Variants in COPG2 observed in about 807,000 individuals in gnomAD.
COPG2 encodes coatomer subunit gamma-2.
COPG2 carries 37 observed loss-of-function variants against 46.3 expected under a neutral mutation model. The observed-to-expected ratio is 0.80, with a 90% confidence interval of 0.61 to 1.05. The LOEUF (loss-of-function observed/expected upper bound fraction) is 1.05, where lower values mean the gene tolerates loss of function less well. Among genes scored for constraint, COPG2 ranks in the 50% least tolerant of loss-of-function variants. The probability of loss-of-function intolerance (pLI) is 0.00; values close to 1 mark genes in which losing one functional copy is unlikely to be tolerated. For missense variants in COPG2, 427 were observed against 387.8 expected (o/e 1.10, Z -0.85); for synonymous variants, 159 against 129.7 (o/e 1.23, Z -1.53).
chr7:130,533,161 A>G (rs1799845373), intron 20 of COPG2, among the ~76,000 whole-genome samples: 3 of 152,058 alleles, frequency 2.0e-5, no homozygotes, highest in African/African-American at 7.2e-5. Flanking sequence ...GGATCAGGGA[A>G]TATGTTCCAG....
chr7:130,645,437 G>A (rs939618813), intron 5 of COPG2: 11 of 395,022 alleles, frequency 2.8e-5, no homozygotes, highest in African/African-American at 1.7e-4. Context: ...GCCCATGGGC[G>A]AAGATGATGT....
chr7:130,654,662 T>C (rs1047960293), intron 4 of COPG2, among the ~76,000 whole-genome samples: 1 of 151,942 alleles, frequency 6.6e-6, no homozygotes, highest in Non-Finnish European at 1.5e-5. Context: ...CAAAGATGAG[T>C]ATTTGATTTT....
intron 3 of COPG2, among the ~76,000 whole-genome samples, chr7:130,666,642 G>A (rs1424414): frequency 0.067 from 10,246 of 152,186 alleles, 716 homozygotes; most frequent in African/African-American, 0.18. Context: ...TTCTGGTTCC[G>A]AGCATTGCAA....
intron 23 of COPG2, 104 bp downstream of exon 23, chr7:130,507,170 T>TA (rs1799509535): frequency 1.4e-6 from 1 of 724,556 alleles, no homozygotes; most frequent in Non-Finnish European, 2.6e-6. Context: ...TTGTTACTCA[T>TA]ATAATGGGAT....
Position 130,536,288 on chromosome 7 carries a change from C to T in COPG2, c.2149+11386G>A, listed in dbSNP as rs946790665. Among the ~76,000 whole-genome samples the T allele has an allele frequency of 2.6e-4, 40 of 152,040 alleles. 2 individuals carry two copies. The South Asian group carries it at 8.1e-3, about 31-fold the overall frequency. ...TGAGTAGGAAGTGTACCTGGAAATA[C>T]CAAAATACTAAATGCTAGAAATAGG... is the stretch of plus-strand genomic sequence containing the variant. On this transcript the variant is annotated intron_variant, in intron 20 of 23. Coordinates refer to ENST00000425248, the MANE Select transcript of COPG2 (RefSeq NM_012133.6).
chr7:130,575,030 A>T (rs1793979097), intron 9 of COPG2, among the ~76,000 whole-genome samples: 2 of 152,140 alleles, frequency 1.3e-5, no homozygotes, highest in Non-Finnish European at 2.9e-5. Flanking sequence ...AAATATGAAC[A>T]AAGACTCCAA....
chr7:130,541,218 G>C (rs1189211851), intron 20 of COPG2, among the ~76,000 whole-genome samples: 1 of 152,196 alleles, frequency 6.6e-6, no homozygotes, highest in Non-Finnish European at 1.5e-5. Context: ...TGGTGGAACT[G>C]GGTTTTCCAA....
intron 5 of COPG2, among the ~76,000 whole-genome samples, chr7:130,624,131 A>G (rs782571343): frequency 8.5e-5 from 13 of 152,206 alleles, no homozygotes; most frequent in Non-Finnish European, 1.5e-4. Flanking sequence ...CAGTCTTTTC[A>G]TAAGGGCACT....
In COPG2 at chr7:130,555,493, T is replaced by C. The variant is rs972474302; in HGVS notation, c.1129-361A>G. Among the ~76,000 whole-genome samples, 8 of 152,316 alleles carry C rather than the reference T, an allele frequency of 5.3e-5. No homozygotes were observed. The South Asian group carries it at 1.4e-3, about 28-fold the overall frequency. ...ATAGAGAAAGCTATCAAGGAACTACTTCACAAAATGGTTTCTAGGGGAATT... is the reference window on the plus strand; with the variant it reads ...ATAGAGAAAGCTATCAAGGAACTACCTCACAAAATGGTTTCTAGGGGAATT... On this transcript the variant is annotated intron_variant, in intron 12 of 23. Transcript: ENST00000425248.
At chr7:130,633,574 G>GT (rs1272754554) in intron 5 of COPG2, among the ~76,000 whole-genome samples, 1 of 152,080 alleles carries the variant, frequency 6.6e-6, no homozygotes, top group Non-Finnish European at 1.5e-5. Context: ...TGATGGGGTG[G>GT]TTTTTTTCTT....
chr7:130,565,051 C>A (rs1793780702), intron 9 of COPG2, among the ~76,000 whole-genome samples: 1 of 152,182 alleles, frequency 6.6e-6, no homozygotes, highest in South Asian at 2.1e-4. Flanking sequence ...AATGAGATGT[C>A]CTTAGGGGGC....
At chr7:130,653,033 A>C in intron 4 of COPG2, 85 bp from the exon 5 acceptor site, 1 of 806,176 alleles carries the variant, frequency 1.2e-6, no homozygotes, top group Non-Finnish European at 2.0e-6. Flanking sequence ...CCAAGTAGAT[A>C]TATATTTTAG....
chr7:130,506,510 C>A lies in COPG2; in HGVS notation c.*166G>T. The A allele has an allele frequency of 4.4e-6, 2 of 452,710 alleles. No individual in the cohort carries two copies. Among genetic ancestry groups the A allele is most frequent in the Non-Finnish European group, 7.8e-6 (2 of 255,600 alleles). The allele number at this position is 452,710 out of a possible 1,614,324, so 28.0% of individuals were successfully genotyped here. On this transcript the variant is annotated 3_prime_UTR_variant, in exon 24 of 24. Transcript: ENST00000425248. ...GAAAAAAAAAAAAAAACAACCCATG[C>A]GCAAAGATAGACATTTGCTTGATCT...
intron 9 of COPG2, chr7:130,607,387 G>C: frequency 2.4e-6 from 1 of 413,130 alleles, no homozygotes; most frequent in Non-Finnish European, 4.8e-6. Flanking sequence ...TTTTCTCTTG[G>C]CTACTAGTCA....
At chr7:130,640,158 CTT>C (rs11431866) in intron 5 of COPG2, among the ~76,000 whole-genome samples, 15,195 of 95,152 alleles carry the variant, frequency 0.16, 190 homozygotes, top group Middle Eastern at 0.2. Context: ...CACCACCAAC[CTT>C]TTTTTTTTTT....
At chr7:130,637,438 C>T (rs1795365092) in intron 5 of COPG2, among the ~76,000 whole-genome samples, 1 of 152,116 alleles carries the variant, frequency 6.6e-6, no homozygotes, top group Non-Finnish European at 1.5e-5. Context: ...ATTCTTTCTT[C>T]TCTAATCTTG....
intron 5 of COPG2, among the ~76,000 whole-genome samples, chr7:130,620,261 G>A (rs922109358): frequency 6.6e-6 from 1 of 151,916 alleles, no homozygotes; most frequent in Admixed American, 6.6e-5. Context: ...CAGACACTTA[G>A]GATACTTTAG....
chr7:130,520,382 CTT>C (rs1311631362), intron 20 of COPG2, among the ~76,000 whole-genome samples: 5 of 152,088 alleles, frequency 3.3e-5, no homozygotes, highest in African/African-American at 4.8e-5. Context: ...AAATGTATGA[CTT>C]AGTCTGGGTT....
chr7:130,662,587 C>G (rs1303335357), intron 4 of COPG2, among the ~76,000 whole-genome samples: 1 of 152,160 alleles, frequency 6.6e-6, no homozygotes, highest in African/African-American at 2.4e-5. Flanking sequence ...TTCCCCACTC[C>G]ACATCCAGCT....
Sources: allele counts gnomAD v4.1 joint callset (sites outside exome capture counted in the v4.1 genomes callset), GRCh38; gene constraint gnomAD v4.1.1; transcripts MANE v1.5; gene names NCBI Gene and HGNC (gene_info 2026-07-23, HGNC 2026-07-21).